The following GMDS variants were observed in gnomAD, a reference collection of about 807,000 sequenced individuals.
GMDS encodes GDP-mannose 4,6 dehydratase.
A neutral mutation model predicts 49.9 loss-of-function variants in GMDS; 20 were observed. That is an observed-to-expected ratio of 0.40 (90% CI 0.28 to 0.58). The LOEUF (loss-of-function observed/expected upper bound fraction) is 0.58. Among genes scored for constraint, GMDS ranks in the 20% least tolerant of loss-of-function variants. GMDS has a pLI of 0.42. For synonymous variants in GMDS, 177 were observed against 178.6 expected (o/e 0.99, Z 0.07); for missense variants, 362 against 481.4 (o/e 0.75, Z 2.32).
At chr6:2,053,656 T>A (rs993189074) in intron 4 of GMDS, among the ~76,000 whole-genome samples, 2 of 152,122 alleles carry the variant, frequency 1.3e-5, no homozygotes, top group African/African-American at 4.8e-5. Flanking sequence ...CATTATCTAA[T>A]AAGGTACTTA....
chr6:1,912,942 G>A (rs6930682), intron 7 of GMDS, among the ~76,000 whole-genome samples: 2 of 152,182 alleles, frequency 1.3e-5, no homozygotes, highest in African/African-American at 2.4e-5. Context: ...CCTTCTGGAT[G>A]AGACTGACCT....
At chr6:2,230,029 T>A (rs1781010287) in intron 1 of GMDS, among the ~76,000 whole-genome samples, 1 of 139,670 alleles carries the variant, frequency 7.2e-6, no homozygotes, top group African/African-American at 2.9e-5. Context: ...CCCTCCAGAG[T>A]CCACAGTTGC....
At chr6:1,993,737 T>TA (rs111826936) in intron 4 of GMDS, among the ~76,000 whole-genome samples, 65,007 of 145,328 alleles carry the variant, frequency 0.45, 14,755 homozygotes, top group African/African-American at 0.56. Context: ...ACTCCTTCTC[T>TA]AAAAAAAAAA....
intron 4 of GMDS, among the ~76,000 whole-genome samples, chr6:1,993,545 T>TA: frequency 6.6e-6 from 1 of 152,192 alleles, no homozygotes; most frequent in Non-Finnish European, 1.5e-5. Flanking sequence ...CTACGGAAAG[T>TA]AAAAGATGAT....
At chr6:1,960,355 CATATT>C (rs1763870427) in intron 5 of GMDS, among the ~76,000 whole-genome samples, 1 of 146,664 alleles carries the variant, frequency 6.8e-6, no homozygotes, top group Non-Finnish European at 1.5e-5. Context: ...TCCTTACAAA[CATATT>C]AGACACAATA....
chr6:1,690,718 C>G lies in GMDS; in HGVS notation c.987+35698G>C, dbSNP rs190606524. Among the ~76,000 whole-genome samples, 3 of 152,336 alleles carry G rather than the reference C, an allele frequency of 2.0e-5. No homozygotes were observed. The East Asian group carries it at 5.8e-4, about 29-fold the overall frequency. ...GGGCAAAGGACACAAACACACACTTCTCAAAAGAAGACATTTATGCAGCCA... is the reference window on the plus strand; with the variant it reads ...GGGCAAAGGACACAAACACACACTTGTCAAAAGAAGACATTTATGCAGCCA... On this transcript the variant is annotated intron_variant, in intron 9 of 10. Coordinates refer to ENST00000380815, the MANE Select transcript of GMDS (RefSeq NM_001500.4).
intron 7 of GMDS, among the ~76,000 whole-genome samples, chr6:1,763,304 C>T (rs75906125): frequency 0.013 from 1,958 of 152,288 alleles, 36 homozygotes; most frequent in African/African-American, 0.043. Flanking sequence ...AGAACAAATT[C>T]AGTTCTGATT....
At chr6:1,827,380 G>A (rs1419385874) in intron 7 of GMDS, among the ~76,000 whole-genome samples, 6 of 39,834 alleles carry the variant, frequency 1.5e-4, no homozygotes, top group East Asian at 1.7e-3. Flanking sequence ...CACACGTTTT[G>A]GAAAACCTGT....
intron 6 of GMDS, among the ~76,000 whole-genome samples, chr6:1,939,582 TACAC>T (rs71769614): frequency 2.5e-5 from 3 of 120,470 alleles, no homozygotes; most frequent in African/African-American, 8.2e-5. Context: ...TACATATATA[TACAC>T]ACACACACAC....
chr6:1,832,674 A>G lies in GMDS; in HGVS notation c.772-90088T>C, dbSNP rs148164622. Among the ~76,000 whole-genome samples the G allele has an allele frequency of 5.3e-5, 8 of 152,350 alleles. No homozygotes were observed. The East Asian group carries it at 1.4e-3, about 26-fold the overall frequency. Reference sequence around the variant, plus strand: ...CCAAAGACTCCTTGGTCTTAAAAATAGTCCACCACATGCATTGTTAGCTTG... The same window carrying G: ...CCAAAGACTCCTTGGTCTTAAAAATGGTCCACCACATGCATTGTTAGCTTG... On this transcript the variant is annotated intron_variant, in intron 7 of 10. Coordinates refer to ENST00000380815, the MANE Select transcript of GMDS (RefSeq NM_001500.4).
chr6:1,893,292 C>G (rs1437294861), intron 7 of GMDS, among the ~76,000 whole-genome samples: 4 of 149,080 alleles, frequency 2.7e-5, no homozygotes, highest in African/African-American at 9.9e-5. Context: ...CTCCCGGGTT[C>G]AAGCCATTCT....
rs1009330217 is a variant in GMDS at position 1,720,997 on chromosome 6, C to G, written c.987+5419G>C. On this transcript the variant is annotated intron_variant, in intron 9 of 10. Transcript: ENST00000380815. ...GGTGAGTGTGTTGAGGGCTTTTCAC[C>G]CCCAAACGCAGAGACAGAGCTGAGG... 2.0e-5 allele frequency among the ~76,000 whole-genome samples: 3 copies of G among 151,992 alleles called. No homozygotes were observed. The South Asian group carries it at 6.2e-4, about 32-fold the overall frequency.
intron 4 of GMDS, among the ~76,000 whole-genome samples, chr6:2,063,070 C>A (rs569807163): frequency 6.6e-6 from 1 of 152,320 alleles, no homozygotes; most frequent in East Asian, 1.9e-4. Context: ...AATTGTGGCA[C>A]ACAAGCCCAG....
At chr6:2,215,479 T>TG (rs1399117824) in intron 1 of GMDS, among the ~76,000 whole-genome samples, 1 of 149,074 alleles carries the variant, frequency 6.7e-6, no homozygotes, top group Non-Finnish European at 1.5e-5. Context: ...AAGAACAGCA[T>TG]GGGGGCAACC....
intron 1 of GMDS, among the ~76,000 whole-genome samples, chr6:2,126,432 G>GA (rs1176551156): frequency 5.4e-5 from 8 of 148,542 alleles, no homozygotes; most frequent in Non-Finnish European, 8.9e-5. Flanking sequence ...ATTCCAGGGG[G>GA]AAAAAAAAAC....
chr6:1,922,612 C>T (rs1761772630), intron 7 of GMDS, among the ~76,000 whole-genome samples: 1 of 152,160 alleles, frequency 6.6e-6, no homozygotes, highest in East Asian at 1.9e-4. Flanking sequence ...ACCGATAGCC[C>T]GTCCTGTACC....
intron 7 of GMDS, among the ~76,000 whole-genome samples, chr6:1,888,173 G>A (rs965487238): frequency 6.9e-6 from 1 of 145,636 alleles, no homozygotes; most frequent in African/African-American, 2.5e-5. Context: ...GTCTTGCTGT[G>A]TTGCCCAGGC....
At chr6:2,091,441 C>T (rs968317055) in intron 4 of GMDS, among the ~76,000 whole-genome samples, 5 of 152,170 alleles carry the variant, frequency 3.3e-5, no homozygotes, top group African/African-American at 1.2e-4. Context: ...GACAATGGAA[C>T]AGTTTGATAC....
At position 2,068,190 on chromosome 6, in the gene GMDS, A is replaced by G. The variant is rs541097025; in HGVS notation, c.345+47581T>C. Among the ~76,000 whole-genome samples, 92 of 152,258 alleles carry G rather than the reference A, an allele frequency of 6.0e-4. No homozygotes were observed. In the South Asian group the frequency reaches 0.019, roughly 31 times the overall value. ...CACATGATTATCTCAATAGATGCAG[A>G]AAAGGCCTTTGACAAAACTCAACAA... On this transcript the variant is annotated intron_variant, in intron 4 of 10. Transcript: ENST00000380815.
Sources: allele counts gnomAD v4.1 joint callset (sites outside exome capture counted in the v4.1 genomes callset), GRCh38; gene constraint gnomAD v4.1.1; transcripts MANE v1.5; gene names NCBI Gene and HGNC (gene_info 2026-07-23, HGNC 2026-07-21).